Variants in PTPRG observed in about 807,000 individuals in gnomAD.
PTPRG encodes receptor-type tyrosine-protein phosphatase gamma.
PTPRG carries 102 observed loss-of-function variants against 165.3 expected under a neutral mutation model. The ratio of observed to expected loss-of-function variants is 0.62; its 90% confidence interval spans 0.53 to 0.73. The LOEUF (loss-of-function observed/expected upper bound fraction) is 0.73, where lower values mean the gene tolerates loss of function less well. PTPRG is among the 30% of genes least tolerant of loss of function. PTPRG has a pLI of 0.00. For missense variants in PTPRG, 1,866 were observed against 1,861.4 expected (o/e 1.00, Z -0.05); for synonymous variants, 675 against 669.5 (o/e 1.01, Z -0.13).
chr3:62,290,338 T>G (rs141779637), intron 28 of PTPRG, among the ~76,000 whole-genome samples: 1 of 152,254 alleles, frequency 6.6e-6, no homozygotes, highest in East Asian at 1.9e-4. Flanking sequence ...AACAAAAATG[T>G]TTGTTTGTGT....
At chr3:61,989,837 C>G in intron 3 of PTPRG, 33 bp downstream of exon 3, 1 of 1,606,988 alleles carries the variant, frequency 6.2e-7, no homozygotes, top group Non-Finnish European at 8.5e-7. Flanking sequence ...GTCCACAGAG[C>G]AACAGGAACT....
chr3:61,569,462 AT>A (rs1238297503), intron 1 of PTPRG, among the ~76,000 whole-genome samples: 1 of 152,134 alleles, frequency 6.6e-6, no homozygotes, highest in Admixed American at 6.5e-5. Flanking sequence ...CTCAATAACC[AT>A]TTTTTTAAAT....
At chr3:61,929,579 G>A (rs1331358432) in intron 2 of PTPRG, among the ~76,000 whole-genome samples, 1 of 152,170 alleles carries the variant, frequency 6.6e-6, no homozygotes, top group Admixed American at 6.5e-5. Flanking sequence ...TTTCATTGTG[G>A]ATTACTGCCC....
intron 7 of PTPRG, among the ~76,000 whole-genome samples, chr3:62,165,822 C>G (rs2106726303): frequency 6.6e-6 from 1 of 152,248 alleles, no homozygotes; most frequent in East Asian, 1.9e-4. Context: ...ATCGCTTTCT[C>G]ATGCAAAGAG....
chr3:61,696,557 A>G (rs2030610106), intron 1 of PTPRG, among the ~76,000 whole-genome samples: 1 of 152,230 alleles, frequency 6.6e-6, no homozygotes, highest in Non-Finnish European at 1.5e-5. Flanking sequence ...ATGTGAGCCC[A>G]CATTTGGTTT....
At chr3:61,798,132 T>C (rs1015414461) in intron 2 of PTPRG, among the ~76,000 whole-genome samples, 1 of 152,188 alleles carries the variant, frequency 6.6e-6, no homozygotes, top group African/African-American at 2.4e-5. Flanking sequence ...TTATCTCTTA[T>C]AGGAATAAAC....
At chr3:61,814,093 G>A (rs1388499212) in intron 2 of PTPRG, among the ~76,000 whole-genome samples, 1 of 152,032 alleles carries the variant, frequency 6.6e-6, no homozygotes, top group Non-Finnish European at 1.5e-5. Context: ...TAGAGATGGG[G>A]TTTCACCATG....
chr3:62,147,132 T>C (rs6779989), intron 6 of PTPRG, among the ~76,000 whole-genome samples: 18,494 of 152,070 alleles, frequency 0.12, 2,741 homozygotes, highest in African/African-American at 0.35. Flanking sequence ...TCCTACTTCA[T>C]AGGGTTATGA....
chr3:62,192,520 T>G (rs1387650494), intron 9 of PTPRG, among the ~76,000 whole-genome samples: 1 of 147,218 alleles, frequency 6.8e-6, no homozygotes, highest in Non-Finnish European at 1.5e-5. Flanking sequence ...GCCATTCTCC[T>G]GCCTCAGCCT....
intron 15 of PTPRG, among the ~76,000 whole-genome samples, chr3:62,244,694 T>C (rs1387266147): frequency 6.6e-6 from 1 of 152,214 alleles, no homozygotes; most frequent in African/African-American, 2.4e-5. Context: ...CTATTCTCCA[T>C]AATGCTTTCC....
At chr3:61,959,212 A>G (rs1269133192) in intron 2 of PTPRG, among the ~76,000 whole-genome samples, 1 of 152,162 alleles carries the variant, frequency 6.6e-6, no homozygotes, top group Non-Finnish European at 1.5e-5. Context: ...AGAGAATATC[A>G]TGGCCTTCTC....
At chr3:61,972,128 G>A (rs1186143549) in intron 2 of PTPRG, among the ~76,000 whole-genome samples, 1 of 152,236 alleles carries the variant, frequency 6.6e-6, no homozygotes, top group Non-Finnish European at 1.5e-5. Context: ...CATATGTGTG[G>A]CAGAATAGGT....
chr3:61,762,421 G>A (rs2033879197), intron 2 of PTPRG, among the ~76,000 whole-genome samples: 1 of 152,136 alleles, frequency 6.6e-6, no homozygotes, highest in African/African-American at 2.4e-5. Flanking sequence ...AGACCAGCCT[G>A]GCCAACGTGG....
chr3:61,873,444 A>G (rs925440195), intron 2 of PTPRG, among the ~76,000 whole-genome samples: 2 of 152,206 alleles, frequency 1.3e-5, no homozygotes, highest in African/African-American at 4.8e-5. Flanking sequence ...GCAAAAAAAT[A>G]TAGACATAGC....
At position 61,839,923 on chromosome 3, in the gene PTPRG, T is replaced by C. The variant is rs113905739; in HGVS notation, c.190+90941T>C. On this transcript the variant is annotated intron_variant, in intron 2 of 29. Coordinates refer to ENST00000474889, the MANE Select transcript of PTPRG (RefSeq NM_002841.4). ...TTTATTTTGTAATCCTAATGCATCT[T>C]AGAGTTGTGTGTATTTTATGTGGTA... Among the ~76,000 whole-genome samples, 669 of 152,316 alleles carry C rather than the reference T, an allele frequency of 4.4e-3. 2 individuals carry two copies. Among genetic ancestry groups the C allele is most frequent in the Non-Finnish European group, 6.4e-3 (438 of 68,030 alleles).
chr3:61,633,450 A>C (rs1701821096), intron 1 of PTPRG, among the ~76,000 whole-genome samples: 1 of 152,240 alleles, frequency 6.6e-6, no homozygotes, highest in Non-Finnish European at 1.5e-5. Context: ...ATTTGGGACA[A>C]AATGATGTGA....
chr3:62,155,570 T>C (rs1704503881), intron 6 of PTPRG, among the ~76,000 whole-genome samples: 1 of 152,268 alleles, frequency 6.6e-6, no homozygotes, highest in African/African-American at 2.4e-5. Flanking sequence ...TAATAAGTGC[T>C]GTTTAAGTGT....
chr3:62,135,021 C>G (rs1331471342), intron 6 of PTPRG, among the ~76,000 whole-genome samples: 1 of 151,922 alleles, frequency 6.6e-6, no homozygotes, highest in Non-Finnish European at 1.5e-5. Flanking sequence ...GCCTATAATC[C>G]CAGAACTTTG....
chr3:62,287,960 A>C (rs1295152182), intron 28 of PTPRG, among the ~76,000 whole-genome samples: 3 of 152,186 alleles, frequency 2.0e-5, no homozygotes, highest in African/African-American at 7.2e-5. Flanking sequence ...CCAGTGAAAT[A>C]ACATCCCAAA....
Sources: gnomAD v4.1 joint callset for allele counts (sites outside exome capture counted in the v4.1 genomes callset) on GRCh38, gnomAD v4.1.1 for gene constraint, MANE v1.5 for transcripts, NCBI Gene and HGNC (gene_info 2026-07-23, HGNC 2026-07-21) for gene names.